MAP4K3: variants seen among roughly 807,000 people sequenced by gnomAD.
MAP4K3 encodes mitogen-activated protein kinase kinase kinase kinase 3, also known as MAPK/ERK kinase kinase kinase 3.
Under a neutral mutation model 143.5 loss-of-function variants are expected in MAP4K3, and 94 were observed. The ratio of observed to expected loss-of-function variants is 0.65; its 90% CI spans 0.55 to 0.78. The LOEUF is 0.78. Among genes scored for constraint, MAP4K3 ranks in the 30% least tolerant of loss-of-function variants. The probability of loss-of-function intolerance (pLI) is 0.00; values close to 1 mark genes in which losing one functional copy is unlikely to be tolerated. For synonymous variants in MAP4K3, 416 were observed against 347.2 expected (o/e 1.20, Z -2.20); for missense variants, 1,077 against 1,068.1 (o/e 1.01, Z -0.12).
At chr2:39,260,088 G>A (rs2148439313) in intron 29 of MAP4K3, among the ~76,000 whole-genome samples, 1 of 152,242 alleles carries the variant, frequency 6.6e-6, no homozygotes, top group South Asian at 2.1e-4. Context: ...TGTGCTCTCA[G>A]TATCATGTTT....
chr2:39,331,093 T>C (rs1330512426), intron 8 of MAP4K3, among the ~76,000 whole-genome samples: 1 of 152,156 alleles, frequency 6.6e-6, no homozygotes, highest in African/African-American at 2.4e-5. Context: ...TACATCATAT[T>C]CTAAATGCAA....
At chr2:39,421,461 T>C (rs1667546010) in intron 1 of MAP4K3, among the ~76,000 whole-genome samples, 1 of 146,532 alleles carries the variant, frequency 6.8e-6, no homozygotes, top group South Asian at 2.2e-4. Flanking sequence ...TCCACCCACA[T>C]GGGCCTCCCA....
intron 13 of MAP4K3, 62 bp downstream of exon 13, chr2:39,315,248 G>A: frequency 2.6e-6 from 3 of 1,166,496 alleles, no homozygotes; most frequent in South Asian, 2.9e-5. Context: ...AAAAATAACT[G>A]TAACTAAATT....
At chr2:39,435,671 T>C (rs1024474726) in intron 1 of MAP4K3, among the ~76,000 whole-genome samples, 2 of 152,184 alleles carry the variant, frequency 1.3e-5, no homozygotes, top group African/African-American at 4.8e-5. Flanking sequence ...TCCAAAAAAA[T>C]AGAAACACTT....
chr2:39,333,452 C>A, intron 7 of MAP4K3, 80 bp downstream of exon 7: 2 of 1,097,250 alleles, frequency 1.8e-6, no homozygotes, highest in South Asian at 1.4e-5. Context: ...GAGGGAAAAC[C>A]TGGTCCTACA....
At position 39,249,431 on chromosome 2, in the gene MAP4K3, G is replaced by A. The variant is rs1680056900; in HGVS notation, c.*1187C>T. On this transcript the variant is annotated 3_prime_UTR_variant, in exon 34 of 34. Transcript: ENST00000263881. Reference sequence around the variant, plus strand: ...AAATATAAAGAACATATACCAAAAAGAGCCAAAAGTGTGCATTTTGCTAAA... The same window carrying A: ...AAATATAAAGAACATATACCAAAAAAAGCCAAAAGTGTGCATTTTGCTAAA... 6.6e-6 allele frequency: 1 copy of A among 152,394 alleles called. No individual in the cohort carries two copies. Among genetic ancestry groups the A allele is most frequent in the Non-Finnish European group, 1.5e-5 (1 of 67,980 alleles). The allele number at this position is 152,394 out of a possible 1,614,324, so 9.4% of individuals were successfully genotyped here.
At chr2:39,365,430 ATTTTTTTTTT>A (rs151026787) in intron 2 of MAP4K3, among the ~76,000 whole-genome samples, 11 of 87,912 alleles carry the variant, frequency 1.3e-4, no homozygotes, top group Middle Eastern at 9.4e-3. Context: ...CGCCATAGTA[ATTTTTTTTTT>A]TTTTTTTTTT....
chr2:39,257,549 C>A (rs1480864698), intron 31 of MAP4K3, among the ~76,000 whole-genome samples: 1 of 151,942 alleles, frequency 6.6e-6, no homozygotes, highest in Admixed American at 6.6e-5. Flanking sequence ...GCCTGTAATC[C>A]CAGCACTTTG....
chr2:39,342,498 A>AT (rs1665173112), intron 4 of MAP4K3, among the ~76,000 whole-genome samples: 2 of 152,176 alleles, frequency 1.3e-5, no homozygotes, highest in South Asian at 4.1e-4. Flanking sequence ...TATTTTCTTT[A>AT]TTAAGTTTTC....
At chr2:39,398,301 GAAAA>G (rs914088557) in intron 1 of MAP4K3, among the ~76,000 whole-genome samples, 2 of 148,804 alleles carry the variant, frequency 1.3e-5, no homozygotes, top group African/African-American at 2.5e-5. Flanking sequence ...AGTAAAAAAA[GAAAA>G]AAAAAGATAA....
chr2:39,254,749 T>C (rs999355405), intron 31 of MAP4K3, among the ~76,000 whole-genome samples: 1 of 152,220 alleles, frequency 6.6e-6, no homozygotes. Flanking sequence ...TTATAGTTTT[T>C]TTGTATTTCT....
chr2:39,281,891 T>C (rs1405327358), intron 22 of MAP4K3, among the ~76,000 whole-genome samples: 2 of 151,530 alleles, frequency 1.3e-5, no homozygotes, highest in African/African-American at 4.8e-5. Flanking sequence ...AATTAAAAAG[T>C]AGAATTTAAA....
chr2:39,332,715 A>C (rs1683720889), intron 7 of MAP4K3, among the ~76,000 whole-genome samples: 1 of 152,072 alleles, frequency 6.6e-6, no homozygotes, highest in Non-Finnish European at 1.5e-5. Context: ...GATAACTAAA[A>C]AGAACAGGAC....
intron 1 of MAP4K3, among the ~76,000 whole-genome samples, chr2:39,381,423 C>T (rs531612358): frequency 2.6e-5 from 4 of 152,264 alleles, no homozygotes; most frequent in South Asian, 4.1e-4. Flanking sequence ...TATTTTCTCC[C>T]ATTCTACATG....
intron 1 of MAP4K3, among the ~76,000 whole-genome samples, chr2:39,430,621 T>C (rs1306377778): frequency 6.6e-6 from 1 of 152,146 alleles, no homozygotes; most frequent in Non-Finnish European, 1.5e-5. Context: ...CCCAATTTAA[T>C]CGTATTTTAA....
At chr2:39,385,228 T>C (rs1333901888) in intron 1 of MAP4K3, among the ~76,000 whole-genome samples, 5 of 152,170 alleles carry the variant, frequency 3.3e-5, no homozygotes, top group Non-Finnish European at 4.4e-5. Flanking sequence ...TATCATATGG[T>C]AGGTATATGT....
intron 28 of MAP4K3, 47 bp from the exon 29 acceptor site, chr2:39,260,824 G>A (rs769308881): frequency 2.8e-5 from 37 of 1,330,746 alleles, no homozygotes; most frequent in Admixed American, 9.7e-5. Flanking sequence ...AATAAAAACC[G>A]AATAATTCTA....
chr2:39,372,451 G>C (rs745453899), intron 2 of MAP4K3, among the ~76,000 whole-genome samples: 1 of 150,886 alleles, frequency 6.6e-6, no homozygotes, highest in Non-Finnish European at 1.5e-5. Context: ...AAAATTTTTA[G>C]GGACCCACAG....
intron 1 of MAP4K3, among the ~76,000 whole-genome samples, chr2:39,385,345 C>G (rs1339217570): frequency 6.6e-6 from 1 of 151,958 alleles, no homozygotes; most frequent in African/African-American, 2.4e-5. Flanking sequence ...TTGCCAAGAG[C>G]TGGCATTGTA....
Sources: gnomAD v4.1 joint callset for allele counts (sites outside exome capture counted in the v4.1 genomes callset) on GRCh38, gnomAD v4.1.1 for gene constraint, MANE v1.5 for transcripts, NCBI Gene and HGNC (gene_info 2026-07-23, HGNC 2026-07-21) for gene names.